Variants in BOC observed in about 807,000 individuals in gnomAD.
BOC encodes the protein BOC cell adhesion associated, oncogene regulated.
A neutral mutation model predicts 112.0 loss-of-function variants in BOC; 76 were observed. That is an observed-to-expected ratio of 0.68 (90% CI 0.56 to 0.82). The LOEUF (loss-of-function observed/expected upper bound fraction) is 0.82, where lower values mean the gene tolerates loss of function less well. BOC is among the 40% of genes least tolerant of loss of function. The pLI is 0.00. For synonymous variants in BOC, 580 were observed against 599.8 expected (o/e 0.97, Z 0.48); for missense variants, 1,309 against 1,511.7 (o/e 0.87, Z 2.22).
At chr3:113,250,920 T>C (rs115866915) in intron 4 of BOC, 87 bp downstream of exon 4, 16,391 of 1,517,780 alleles carry the variant, frequency 0.011, 117 homozygotes, top group Non-Finnish European at 0.013. Context: ...TGCTGCCTCT[T>C]GTTACTCTTA....
At chr3:113,279,606 A>G in intron 12 of BOC, 151 bp downstream of exon 12, 2 of 859,090 alleles carry the variant, frequency 2.3e-6, no homozygotes, top group Non-Finnish European at 3.5e-6. Flanking sequence ...TGTTTACCAC[A>G]GTCCTAAAGC....
chr3:113,235,721 T>C (rs1943337949), intron 2 of BOC, among the ~76,000 whole-genome samples: 1 of 152,216 alleles, frequency 6.6e-6, no homozygotes, highest in Non-Finnish European at 1.5e-5. Context: ...GCATTCTCCA[T>C]GGATCCCTAT....
Position 113,272,404 on chromosome 3 carries a change from C to A in BOC, c.668-6C>A. ...CCTTCTGTCCTTGCCCTCCTTGCCC[C>A]TCCAGGCTCCACCGCTGAGGCTGCC... On this transcript the variant is annotated splice_region_variant and splice_polypyrimidine_tract_variant and intron_variant, in intron 6 of 19. Coordinates refer to ENST00000682979, the MANE Select transcript of BOC (RefSeq NM_001378074.1). 2 of 1,612,366 alleles carry A rather than the reference C, an allele frequency of 1.2e-6. No homozygotes were observed. The highest frequency in any genetic ancestry group is 1.7e-6 in the Non-Finnish European group (2 of 1,178,650).
At chr3:113,250,026 A>C in intron 3 of BOC, 127 bp downstream of exon 3, 4 of 761,742 alleles carry the variant, frequency 5.3e-6, no homozygotes, top group Non-Finnish European at 8.7e-6. Flanking sequence ...ATTGGCCTTC[A>C]GGGACACAAG....
At chr3:113,240,610 A>G (rs543505596) in intron 2 of BOC, among the ~76,000 whole-genome samples, 1 of 152,210 alleles carries the variant, frequency 6.6e-6, no homozygotes, top group East Asian at 1.9e-4. Flanking sequence ...AGTTCTTTTA[A>G]TTTTCCTTTT....
rs1948227108 is a variant in BOC, at chr3:113,272,498, T to C, written c.756T>C (p.Cys252=). The change falls in exon 7 of 20, where the codon TGT becomes TGC. Residue 252 remains cysteine (C), a synonymous_variant. Coordinates refer to ENST00000682979, the MANE Select transcript of BOC (RefSeq NM_001378074.1). ...AAGGCCAGAGTCTCATTCTGGAGTG[T>C]GTGGCCAGTGGAATCCCACCCCCAC... ...VTKGQSLILE[C]VASGIPPPRV... is the part of the protein sequence containing the mutation. 1 of 1,614,008 alleles carries C rather than the reference T, an allele frequency of 6.2e-7. No homozygotes were observed. The highest frequency in any genetic ancestry group is 1.1e-5 in the South Asian group (1 of 91,080).
chr3:113,215,354 T>G (rs912351086), intron 1 of BOC, among the ~76,000 whole-genome samples: 1 of 152,178 alleles, frequency 6.6e-6, no homozygotes, highest in Admixed American at 6.5e-5. Flanking sequence ...AGGATCCATC[T>G]CAAATGGCAC....
chr3:113,211,983 G>C lies in BOC; in HGVS notation c.-203G>C, dbSNP rs919224170. ...CCCACCACGCTGGCCCCCGGGCCCC[G>C]GCTCGCCCTTCCCAGGCGCCGGCTG... is the stretch of plus-strand genomic sequence containing the variant. On this transcript the variant is annotated 5_prime_UTR_variant, in exon 1 of 20. Transcript: ENST00000682979. 3.3e-5 allele frequency: 5 copies of C among 152,734 alleles called. No homozygotes were observed. Among genetic ancestry groups the C allele is most frequent in the African/African-American group, 1.2e-4 (5 of 41,594 alleles). 9.5% of individuals were successfully genotyped at this position (152,734 alleles called of 1,614,324 possible). A position where few individuals can be genotyped will look rare whatever the true frequency, so the allele number is the denominator to read the frequency against.
At chr3:113,276,406 A>T (rs558905924) in intron 9 of BOC, among the ~76,000 whole-genome samples, 1 of 152,222 alleles carries the variant, frequency 6.6e-6, no homozygotes, top group South Asian at 2.1e-4. Flanking sequence ...GGCAGGGTAC[A>T]TGGGGCGCAG....
intron 6 of BOC, chr3:113,272,009 A>G (rs984098351): frequency 1.3e-5 from 3 of 228,322 alleles, no homozygotes; most frequent in African/African-American, 4.4e-5. Context: ...GGTTGAGAGC[A>G]TGGCAGATTC....
rs780353671 is a variant in BOC, at chr3:113,284,497, G to C, written c.2819G>C (p.Gly940Ala). The C allele has an allele frequency of 2.5e-6, 4 of 1,614,062 alleles. No individual in the cohort carries two copies. Among genetic ancestry groups the C allele is most frequent in the Middle Eastern group, 1.6e-4 (1 of 6,084 alleles). Reference sequence around the variant, plus strand: ...GCTAATGGGATCCACATGAATAGGGGCTGCCCCTCGGCTGCAGTGGGCTAC... The same window carrying C: ...GCTAATGGGATCCACATGAATAGGGCCTGCCCCTCGGCTGCAGTGGGCTAC... ...ACANGIHMNR[G>A]CPSAAVGYPG... Residue 940 changes from glycine to alanine, a missense_variant, in exon 17 of 20, where the codon GGC becomes GCC. By Grantham distance (60) the Gly-to-Ala change is moderately conservative. Transcript: ENST00000682979.
chr3:113,284,762 T>C lies in BOC; in HGVS notation c.2890-20T>C, dbSNP rs1290936455. ...TGGACTCCCCGGCGTGGCCGTCTCA[T>C]TACTCTTCCTTTTGAGCAGCAGAGT... On this transcript the variant is annotated intron_variant, in intron 17 of 19. Coordinates refer to ENST00000682979, the MANE Select transcript of BOC (RefSeq NM_001378074.1). The C allele has an allele frequency of 1.2e-6, 2 of 1,613,330 alleles. No homozygotes were observed. The highest frequency in any genetic ancestry group is 1.7e-6 in the Non-Finnish European group (2 of 1,179,372).
intron 4 of BOC, among the ~76,000 whole-genome samples, chr3:113,256,031 A>C (rs1354676445): frequency 1.3e-5 from 2 of 152,232 alleles, no homozygotes. Context: ...CAGTAATTAC[A>C]TCACCAGTCT....
intron 2 of BOC, among the ~76,000 whole-genome samples, chr3:113,247,066 T>C (rs915763937): frequency 6.6e-6 from 1 of 152,202 alleles, no homozygotes; most frequent in Non-Finnish European, 1.5e-5. Flanking sequence ...CACCGTGTGT[T>C]CAGATAAGAA....
At chr3:113,252,968 A>G (rs1195880151) in intron 4 of BOC, among the ~76,000 whole-genome samples, 3 of 152,184 alleles carry the variant, frequency 2.0e-5, no homozygotes, top group African/African-American at 7.2e-5. Context: ...CACGTCAAGA[A>G]GGGCTGAGGT....
At chr3:113,272,832 G>T (rs1431210978) in intron 7 of BOC, 129 bp downstream of exon 7, 2 of 1,213,916 alleles carry the variant, frequency 1.6e-6, no homozygotes, top group Non-Finnish European at 2.3e-6. Context: ...TGAGGAACAG[G>T]CATGCTGAAG....
At chr3:113,221,635 CCCTGT>C (rs1490806258) in intron 2 of BOC, among the ~76,000 whole-genome samples, 1 of 152,214 alleles carries the variant, frequency 6.6e-6, no homozygotes, top group African/African-American at 2.4e-5. Flanking sequence ...CTTCTCACCG[CCCTGT>C]CTTCTATCAA....
intron 2 of BOC, among the ~76,000 whole-genome samples, chr3:113,221,044 G>C (rs1940535325): frequency 6.6e-6 from 1 of 152,176 alleles, no homozygotes; most frequent in Non-Finnish European, 1.5e-5. Flanking sequence ...GTTGAGGGGA[G>C]GCTTTGGAAC....
chr3:113,276,215 T>G (rs920680518), intron 9 of BOC, among the ~76,000 whole-genome samples: 13 of 152,170 alleles, frequency 8.5e-5, no homozygotes, highest in African/African-American at 3.1e-4. Flanking sequence ...TTCAGGCCAA[T>G]AGGTGGCCGT....
Sources: allele counts gnomAD v4.1 joint callset (sites outside exome capture counted in the v4.1 genomes callset), GRCh38; gene constraint gnomAD v4.1.1; transcripts MANE v1.5; gene names NCBI Gene and HGNC (gene_info 2026-07-23, HGNC 2026-07-21).